The following HDAC9 variants were observed in gnomAD, a reference collection of about 807,000 sequenced individuals.
HDAC9 encodes MEF-2 interacting transcription repressor (MITR) protein.
HDAC9 carries 41 observed loss-of-function variants against 139.4 expected under a neutral mutation model. The ratio of observed to expected loss-of-function variants is 0.29; its 90% CI spans 0.23 to 0.38. The LOEUF is 0.38. Among genes scored for constraint, HDAC9 ranks in the 10% least tolerant of loss-of-function variants. HDAC9 has a pLI of 1.00. For missense variants in HDAC9, 1,147 were observed against 1,297.0 expected (o/e 0.88, Z 1.78); for synonymous variants, 517 against 476.2 (o/e 1.09, Z -1.12).
At position 18,986,873 on chromosome 7, in the gene HDAC9, G is replaced by GT. The variant is rs566409613; in HGVS notation, c.3171-9148dup. ...TCACTCATGATTTGGCTGTTTGTCT[G>GT]TTGTTGGTGTATAAGAATGCTTGTG... is the stretch of plus-strand genomic sequence containing the variant. On this transcript the variant is annotated intron_variant, in intron 25 of 25. Transcript: ENST00000686413. Among the ~76,000 whole-genome samples the GT allele has an allele frequency of 3.5e-4, 53 of 152,226 alleles. 1 individual carries two copies. The South Asian group carries it at 0.01, about 29-fold the overall frequency.
chr7:18,422,270 A>C (rs1789689749), intron 1 of HDAC9, among the ~76,000 whole-genome samples: 2 of 152,054 alleles, frequency 1.3e-5, no homozygotes, highest in Non-Finnish European at 2.9e-5. Flanking sequence ...TTGTTGCTTC[A>C]TTTAATCCTA....
chr7:18,739,039 C>A (rs1787194390), intron 13 of HDAC9, among the ~76,000 whole-genome samples: 1 of 152,280 alleles, frequency 6.6e-6, no homozygotes, highest in Middle Eastern at 3.4e-3. Flanking sequence ...CCCTTTCTTC[C>A]ACTTGATCAA....
intron 24 of HDAC9, among the ~76,000 whole-genome samples, chr7:18,970,281 G>A (rs1335504654): frequency 6.6e-6 from 1 of 152,094 alleles, no homozygotes; most frequent in Non-Finnish European, 1.5e-5. Context: ...TAATAATTCT[G>A]CTTGTGTTAT....
At chr7:18,392,341 ACACACACACACT>A (rs1220915975) in intron 1 of HDAC9, among the ~76,000 whole-genome samples, 2 of 151,084 alleles carry the variant, frequency 1.3e-5, no homozygotes, top group African/African-American at 2.4e-5. Context: ...ACACACACAC[ACACACACACACT>A]GTCTATATCT....
intron 6 of HDAC9, among the ~76,000 whole-genome samples, chr7:18,594,554 C>G (rs1449917535): frequency 6.6e-6 from 1 of 151,974 alleles, no homozygotes; most frequent in East Asian, 1.9e-4. Context: ...TAATAGAACT[C>G]AGAGTGAAAT....
At chr7:18,555,270 C>A (rs545233794) in intron 2 of HDAC9, among the ~76,000 whole-genome samples, 1 of 152,262 alleles carries the variant, frequency 6.6e-6, no homozygotes, top group South Asian at 2.1e-4. Context: ...CTGGGAACCT[C>A]TCCTAAGGAA....
chr7:18,653,783 GC>G (rs1790151869), intron 11 of HDAC9, among the ~76,000 whole-genome samples: 1 of 152,112 alleles, frequency 6.6e-6, no homozygotes, highest in Non-Finnish European at 1.5e-5. Context: ...GCTTTCATTA[GC>G]TTTTGGAAGA....
intron 21 of HDAC9, among the ~76,000 whole-genome samples, chr7:18,845,968 A>G (rs928861934): frequency 6.6e-6 from 1 of 152,078 alleles, no homozygotes; most frequent in African/African-American, 2.4e-5. Context: ...GAGGCAGTGA[A>G]GCCCCTGTGT....
intron 1 of HDAC9, among the ~76,000 whole-genome samples, chr7:18,310,848 A>ACACACACACACT (rs1240340334): frequency 2.9e-5 from 4 of 137,644 alleles, no homozygotes; most frequent in African/African-American, 8.8e-5. Flanking sequence ...ACACACACAC[A>ACACACACACACT]CTCTCTTACT....
At chr7:18,727,815 A>T (rs1262901187) in intron 13 of HDAC9, 58 bp downstream of exon 13, 39 of 1,292,118 alleles carry the variant, frequency 3.0e-5, no homozygotes, top group Non-Finnish European at 3.9e-5. Context: ...TTCTTGTAGG[A>T]TTAACCGATT....
At chr7:18,777,101 C>G (rs1033340698) in intron 16 of HDAC9, among the ~76,000 whole-genome samples, 2 of 151,974 alleles carry the variant, frequency 1.3e-5, no homozygotes, top group African/African-American at 2.4e-5. Context: ...TGGGGGCACA[C>G]TTACTCAGGC....
intron 1 of HDAC9, among the ~76,000 whole-genome samples, chr7:18,482,052 C>T (rs1042834115): frequency 1.3e-5 from 2 of 152,102 alleles, no homozygotes; most frequent in African/African-American, 2.4e-5. Context: ...AATTGCCTAT[C>T]GCCACATCAT....
chr7:18,790,545 A>G (rs117182313), intron 16 of HDAC9, among the ~76,000 whole-genome samples: 2,763 of 152,286 alleles, frequency 0.018, 32 homozygotes, highest in Non-Finnish European at 0.026. Context: ...TGTTTAAGCT[A>G]CCTACCCCTT....
chr7:18,667,839 C>A, intron 12 of HDAC9: 2 of 984,052 alleles, frequency 2.0e-6, no homozygotes, highest in Non-Finnish European at 2.4e-6. Flanking sequence ...CTTCATATTC[C>A]CTTTTGATAT....
intron 1 of HDAC9, among the ~76,000 whole-genome samples, chr7:18,383,573 G>C (rs975409749): frequency 2.0e-5 from 3 of 152,016 alleles, no homozygotes; most frequent in Non-Finnish European, 4.4e-5. Context: ...AATTCCAGAT[G>C]GATCACAGGA....
At chr7:18,346,299 A>G (rs905914346) in intron 1 of HDAC9, among the ~76,000 whole-genome samples, 6 of 152,186 alleles carry the variant, frequency 3.9e-5, no homozygotes, top group Non-Finnish European at 7.4e-5. Flanking sequence ...CTAGATTTCA[A>G]AGTACAGTTA....
intron 2 of HDAC9, among the ~76,000 whole-genome samples, chr7:18,522,928 A>G (rs974598098): frequency 8.5e-5 from 13 of 152,228 alleles, no homozygotes; most frequent in Non-Finnish European, 1.8e-4. Flanking sequence ...TTTAGGCCAA[A>G]GTAAATGATG....
chr7:18,986,812 T>C (rs1785397404), intron 25 of HDAC9, among the ~76,000 whole-genome samples: 1 of 152,048 alleles, frequency 6.6e-6, no homozygotes, highest in South Asian at 2.1e-4. Flanking sequence ...GATTCCTAGG[T>C]ATTTTATTCT....
At chr7:18,346,298 A>G (rs1782413511) in intron 1 of HDAC9, among the ~76,000 whole-genome samples, 1 of 152,176 alleles carries the variant, frequency 6.6e-6, no homozygotes, top group African/African-American at 2.4e-5. Flanking sequence ...ACTAGATTTC[A>G]AAGTACAGTT....
Sources: allele counts gnomAD v4.1 joint callset (sites outside exome capture counted in the v4.1 genomes callset), GRCh38; gene constraint gnomAD v4.1.1; transcripts MANE v1.5; gene names NCBI Gene and HGNC (gene_info 2026-07-23, HGNC 2026-07-21).